LAMC2: variants seen among roughly 807,000 people sequenced by gnomAD.
The protein encoded by LAMC2 is laminin subunit gamma-2.
In LAMC2, 97 loss-of-function variants were observed where a neutral mutation model predicts 140.2. That is an observed-to-expected ratio of 0.69 (90% CI 0.59 to 0.82). LAMC2 has a LOEUF of 0.82. Among genes scored for constraint, LAMC2 ranks in the 40% least tolerant of loss-of-function variants. LAMC2 has a pLI of 0.00. For synonymous variants in LAMC2, 513 were observed against 540.2 expected, an observed-to-expected ratio of 0.95 and a Z score of 0.70; for missense variants, 1,402 against 1,476.1, an observed-to-expected ratio of 0.95 and a Z score of 0.82.
At chr1:183,214,969 T>TG (rs1659206278) in intron 2 of LAMC2, among the ~76,000 whole-genome samples, 1 of 152,174 alleles carries the variant, frequency 6.6e-6, no homozygotes, top group Admixed American at 6.5e-5. Flanking sequence ...CTAGCACTCC[T>TG]GGCAGGTGGA....
chr1:183,230,660 CA>C (rs1434552323), intron 11 of LAMC2, among the ~76,000 whole-genome samples: 4 of 152,144 alleles, frequency 2.6e-5, no homozygotes, highest in African/African-American at 9.7e-5. Flanking sequence ...GTAATGGGCC[CA>C]GAAGAAATGT....
In LAMC2 at chr1:183,240,347, T is replaced by C. The variant is rs375308910; in HGVS notation, c.3284T>C (p.Ile1095Thr). 4 of 1,614,064 alleles carry C rather than the reference T, an allele frequency of 2.5e-6. No homozygotes were observed. The highest frequency in any genetic ancestry group is 3.4e-6 in the Non-Finnish European group (4 of 1,180,036). ...AGAGCCAAGAACGCTGGGGTTACAA[T>C]CCAAGACACACTCAACACATTAGAC... Reference protein sequence around the residue: ...DTRAKNAGVTIQDTLNTLDGL... With the variant: ...DTRAKNAGVTTQDTLNTLDGL... Residue 1095 changes from isoleucine (I) to threonine (T), a missense_variant, in exon 22 of 23, where the codon ATC becomes ACC. This residue lies in a region of LAMC2 where 670 missense variants were observed against 667.2 expected (regional missense o/e 1.00). Coordinates refer to ENST00000264144, the MANE Select transcript of LAMC2 (RefSeq NM_005562.3).
At chr1:183,223,856 G>A (rs1476029321) in intron 7 of LAMC2, among the ~76,000 whole-genome samples, 1 of 152,180 alleles carries the variant, frequency 6.6e-6, no homozygotes, top group East Asian at 1.9e-4. Context: ...GGATGGCTTT[G>A]TGTGTGTCTA....
chr1:183,213,124 G>A (rs541401120), intron 2 of LAMC2, among the ~76,000 whole-genome samples: 2 of 152,208 alleles, frequency 1.3e-5, no homozygotes, highest in Admixed American at 6.5e-5. Flanking sequence ...TTCCTATTAT[G>A]CAGAAATTGA....
chr1:183,227,447 A>T, intron 9 of LAMC2, 68 bp from the exon 10 acceptor site: 2 of 1,403,476 alleles, frequency 1.4e-6, no homozygotes, highest in East Asian at 2.3e-5. Flanking sequence ...ACTCTGACCC[A>T]TGTTGAAGGA....
At chr1:183,207,302 G>A (rs975497077) in intron 1 of LAMC2, among the ~76,000 whole-genome samples, 1 of 152,112 alleles carries the variant, frequency 6.6e-6, no homozygotes, top group African/African-American at 2.4e-5. Flanking sequence ...TGCAGGATGG[G>A]CTTCCTAGAT....
At chr1:183,233,695 A>C (rs952649725) in intron 14 of LAMC2, among the ~76,000 whole-genome samples, 2 of 152,162 alleles carry the variant, frequency 1.3e-5, no homozygotes, top group Admixed American at 6.5e-5. Context: ...ACTGGACTTT[A>C]AATTCATATA....
chr1:183,216,590 T>C (rs1659264851), intron 3 of LAMC2, among the ~76,000 whole-genome samples: 1 of 152,132 alleles, frequency 6.6e-6, no homozygotes, highest in African/African-American at 2.4e-5. Flanking sequence ...TGGCACATCC[T>C]GGAGAGCTCT....
At position 183,240,123 on chromosome 1, in the gene LAMC2, T is replaced by C. The variant is rs777229830; in HGVS notation, c.3153T>C (p.Ser1051=). ...AMEKGLASLK[S]EMREVEGELE... The stretch of plus-strand genomic sequence containing the variant: ...AAAAGGGACTGGCCTCTCTGAAGAG[T>C]GAGATGAGGGAAGTGGAAGGAGAGC... The change falls in exon 21 of 23, where the codon AGT becomes AGC. Residue 1051 remains serine (S), a synonymous_variant. Coordinates refer to ENST00000264144, the MANE Select transcript of LAMC2 (RefSeq NM_005562.3). 1 of 1,613,124 alleles carries C rather than the reference T, an allele frequency of 6.2e-7. No individual in the cohort carries two copies.
intron 1 of LAMC2, among the ~76,000 whole-genome samples, chr1:183,192,830 G>C (rs151327696): frequency 6.6e-6 from 1 of 152,068 alleles, no homozygotes; most frequent in African/African-American, 2.4e-5. Flanking sequence ...TCAGCTTCCC[G>C]GGTAGCTGGG....
At chr1:183,227,774 C>A (rs965726200) in intron 10 of LAMC2, 77 bp downstream of exon 10, 1 of 1,331,996 alleles carries the variant, frequency 7.5e-7, no homozygotes, top group Admixed American at 1.8e-5. Flanking sequence ...GCTTCCATTC[C>A]GAGGAATTCC....
rs975533067 is a variant in LAMC2, at chr1:183,194,991, C to T, written c.79+8560C>T. ...GCTGCAGCTGACAGCAGCTGTCTTG[C>T]GGTAGAGCCTTTGACAGTGCCAGCT... is the stretch of plus-strand genomic sequence containing the variant. On this transcript the variant is annotated intron_variant, in intron 1 of 22. Coordinates refer to ENST00000264144, the MANE Select transcript of LAMC2 (RefSeq NM_005562.3). 2.6e-5 allele frequency among the ~76,000 whole-genome samples: 4 copies of T among 152,188 alleles called. 1 individual carries two copies. Among genetic ancestry groups the T allele is most frequent in the African/African-American group, 4.8e-5 (2 of 41,444 alleles).
downstream of LAMC2, among the ~76,000 whole-genome samples, chr1:183,247,619 G>A (rs186516781): frequency 2.0e-5 from 3 of 151,580 alleles, no homozygotes; most frequent in Non-Finnish European, 4.4e-5. Flanking sequence ...TAAACAAACA[G>A]CTAATCCTTC....
intron 1 of LAMC2, among the ~76,000 whole-genome samples, chr1:183,196,818 A>G (rs1429523374): frequency 6.6e-6 from 1 of 152,228 alleles, no homozygotes; most frequent in Non-Finnish European, 1.5e-5. Flanking sequence ...TCTGCCCACC[A>G]TGATGGTTTT....
Position 183,228,385 on chromosome 1 carries a change from G to A in LAMC2, c.1480G>A (p.Glu494Lys), listed in dbSNP as rs1266554446. The A allele has an allele frequency of 6.2e-7, 1 of 1,613,994 alleles. No individual in the cohort carries two copies. The highest frequency in any genetic ancestry group is 8.5e-7 in the Non-Finnish European group (1 of 1,180,038). ...CPPGVTGARC[E>K]LCADGYFGDP... ...TTGTTCCTTCCCAGGTGCCCGCTGTGAGCTCTGTGCTGATGGCTACTTTGG... is the reference window on the plus strand; with the variant it reads ...TTGTTCCTTCCCAGGTGCCCGCTGTAAGCTCTGTGCTGATGGCTACTTTGG... The change falls in exon 11 of 23, where the codon GAG becomes AAG. Residue 494 changes from glutamate (E) to lysine (K), a missense_variant. By Grantham distance (56) the Glu-to-Lys change is moderately conservative. This residue lies in a region of LAMC2 where 723 missense variants were observed against 783.3 expected (regional missense o/e 0.92). Transcript: ENST00000264144. This position sits in a 1 kb window ranked among gnomAD's most constrained non-coding sequence, Gnocchi z 4.3.
intron 6 of LAMC2, 53 bp downstream of exon 6, chr1:183,222,264 C>T: frequency 6.3e-7 from 1 of 1,584,824 alleles, no homozygotes; most frequent in Non-Finnish European, 8.7e-7. Flanking sequence ...ACTAGGAAGT[C>T]AAGATAGAGA....
At chr1:183,231,721 G>A (rs974346352) in intron 12 of LAMC2, among the ~76,000 whole-genome samples, 3 of 152,138 alleles carry the variant, frequency 2.0e-5, no homozygotes, top group Non-Finnish European at 4.4e-5. Context: ...AATGAGGATT[G>A]GGGAAGACAA....
rs767836079 is a variant in LAMC2, at chr1:183,229,245, C to G, written c.1714+626C>G. 2.0e-5 allele frequency among the ~76,000 whole-genome samples: 3 copies of G among 152,168 alleles called. No individual in the cohort carries two copies. The East Asian group carries it at 5.8e-4, about 29-fold the overall frequency. Reference sequence around the variant, plus strand: ...TTATATTTTAGAGGCAAGTTCAGTTCTAGAGGAGCTGGCCTGCCCCACAGA... The same window carrying G: ...TTATATTTTAGAGGCAAGTTCAGTTGTAGAGGAGCTGGCCTGCCCCACAGA... On this transcript the variant is annotated intron_variant, in intron 11 of 22. Transcript: ENST00000264144.
At position 183,245,045 on chromosome 1, in the gene LAMC2, C is replaced by T. The variant is rs891164469; in HGVS notation, c.*1645C>T. 6.6e-6 allele frequency: 1 copy of T among 152,168 alleles called. No homozygotes were observed. Among genetic ancestry groups the T allele is most frequent in the Non-Finnish European group, 1.5e-5 (1 of 68,024 alleles). The allele number at this position is 152,168 out of a possible 1,614,324, so 9.4% of individuals were successfully genotyped here. On this transcript the variant is annotated 3_prime_UTR_variant, in exon 23 of 23. Transcript: ENST00000264144. ...TCTGAGCATCTTACTTCGCCCATTC[C>T]AACCATACAGGATTGATGATGCTGT...
Sources: allele counts gnomAD v4.1 joint callset (sites outside exome capture counted in the v4.1 genomes callset), GRCh38; gene constraint gnomAD v4.1.1; regional missense constraint gnomAD v4.1.1; non-coding constraint Gnocchi (gnomAD v3.1); transcripts MANE v1.5; gene names NCBI Gene and HGNC (gene_info 2026-07-23, HGNC 2026-07-21).